ARNT: variants seen among roughly 807,000 people sequenced by gnomAD.
The protein encoded by ARNT is aryl hydrocarbon receptor nuclear translocator.
ARNT carries 30 observed loss-of-function variants against 105.0 expected under a neutral mutation model. That is an observed-to-expected ratio of 0.29 (90% CI 0.21 to 0.39). The LOEUF is 0.39. ARNT is among the 10% of genes least tolerant of loss of function. ARNT has a pLI of 1.00. For missense variants in ARNT, 748 were observed against 978.7 expected (o/e 0.76, Z 3.15); for synonymous variants, 304 against 344.0 (o/e 0.88, Z 1.29).
At position 150,813,335 on chromosome 1, in the gene ARNT, G is replaced by A. The variant is rs2275237; in HGVS notation, c.2117C>T (p.Pro706Leu). 902 of 1,604,788 alleles carry A rather than the reference G, an allele frequency of 5.6e-4. 12 individuals carry two copies. The East Asian group carries it at 0.016, about 28-fold the overall frequency. The change falls in exon 21 of 22, where the codon CCT becomes CTT. Residue 706 changes from proline to leucine, a missense_variant. Coordinates refer to ENST00000358595, the MANE Select transcript of ARNT (RefSeq NM_001668.4). The stretch of plus-strand genomic sequence containing the variant: ...TTGTCCTGCAGTCTGTCCAGTCTCA[G>A]GAGCTAGAAATACAGCAAGGAAGAA... ...SLTNRGSNFA[P>L]ETGQTAGQFQ... is the part of the protein sequence containing the mutation.
At chr1:150,830,275 G>A in intron 10 of ARNT, 1 of 272,120 alleles carries the variant, frequency 3.7e-6, no homozygotes, top group Non-Finnish European at 7.1e-6. Flanking sequence ...GAACCCAGGA[G>A]GCGGAGGATG....
chr1:150,845,271 T>C (rs1282911717), intron 4 of ARNT, among the ~76,000 whole-genome samples: 1 of 151,798 alleles, frequency 6.6e-6, no homozygotes, highest in African/African-American at 2.4e-5. Context: ...GGAAACACAA[T>C]GAAAACAATG....
intron 2 of ARNT, 139 bp from the exon 3 acceptor site, chr1:150,852,945 G>T: frequency 1.9e-6 from 2 of 1,073,316 alleles, no homozygotes; most frequent in Non-Finnish European, 2.8e-6. Flanking sequence ...GTCAAACAAA[G>T]CTACATTTCC....
At chr1:150,861,114 G>A (rs587637984) in intron 1 of ARNT, 2 of 167,064 alleles carry the variant, frequency 1.2e-5, no homozygotes, top group Admixed American at 1.2e-4. Flanking sequence ...TAAATAAAGG[G>A]TTGGCAAGGA....
intron 4 of ARNT, among the ~76,000 whole-genome samples, chr1:150,845,628 G>T (rs1407203213): frequency 6.6e-6 from 1 of 151,652 alleles, no homozygotes; most frequent in Non-Finnish European, 1.5e-5. Context: ...AATAGGCCGG[G>T]TGCGGTGGCT....
intron 1 of ARNT, among the ~76,000 whole-genome samples, chr1:150,866,749 C>G (rs1666656323): frequency 6.6e-6 from 1 of 151,810 alleles, no homozygotes; most frequent in Non-Finnish European, 1.5e-5. Context: ...AGTTAATAAC[C>G]CAGATAAACA....
intron 1 of ARNT, among the ~76,000 whole-genome samples, chr1:150,875,224 G>A (rs1377818980): frequency 6.6e-6 from 1 of 151,842 alleles, no homozygotes; most frequent in Non-Finnish European, 1.5e-5. Flanking sequence ...TTCCTGCAAT[G>A]TAATTTTTGC....
At chr1:150,862,503 A>G (rs1160957073) in intron 1 of ARNT, among the ~76,000 whole-genome samples, 5 of 151,942 alleles carry the variant, frequency 3.3e-5, no homozygotes, top group African/African-American at 1.2e-4. Context: ...GTTACTGCTA[A>G]TTTTTCTATT....
At chr1:150,812,411 C>CT (rs1281338469) in intron 21 of ARNT, among the ~76,000 whole-genome samples, 3 of 152,066 alleles carry the variant, frequency 2.0e-5, no homozygotes, top group African/African-American at 7.2e-5. Flanking sequence ...TATGGAGTCT[C>CT]TTATCCTATT....
At chr1:150,853,334 C>CTTAA in intron 2 of ARNT, 1 of 306,426 alleles carries the variant, frequency 3.3e-6, no homozygotes, top group Non-Finnish European at 6.5e-6. Context: ...CTTCTGCTAC[C>CTTAA]TTAACACTTT....
chr1:150,831,941 AT>A (rs777525737), intron 9 of ARNT, 38 bp from the exon 10 acceptor site: 21 of 1,273,768 alleles, frequency 1.6e-5, no homozygotes, highest in Non-Finnish European at 2.1e-5. Context: ...AAAAAAAAAA[AT>A]CTACCCGTAA....
In ARNT at chr1:150,813,242, C is replaced by T. The variant is rs748207091; in HGVS notation, c.2210G>A (p.Arg737His). The T allele has an allele frequency of 4.3e-6, 7 of 1,613,776 alleles. No homozygotes were observed. Among genetic ancestry groups the T allele is most frequent in the South Asian group, 1.1e-5 (1 of 91,000 alleles). The change falls in exon 21 of 22, where the codon CGT becomes CAT. Residue 737 changes from arginine (R) to histidine (H), a missense_variant. Arg to His is a conservative substitution (Grantham distance 29). Coordinates refer to ENST00000358595, the MANE Select transcript of ARNT (RefSeq NM_001668.4). ...AACATGTTGCTCACTAGAACTTGAA[C>T]GATGATGAGGCTGCTGGCCCTGCCA... is the stretch of plus-strand genomic sequence containing the variant. ...PQWQGQQPHH[R>H]SSSSEQHVQQ...
At chr1:150,833,714 C>T (rs181672761) in intron 8 of ARNT, among the ~76,000 whole-genome samples, 17 of 149,120 alleles carry the variant, frequency 1.1e-4, no homozygotes, top group Non-Finnish European at 2.4e-4. Flanking sequence ...AATCCTAAAA[C>T]GTACAGTATA....
intron 3 of ARNT, among the ~76,000 whole-genome samples, chr1:150,850,966 C>T (rs1395639598): frequency 2.3e-4 from 34 of 149,652 alleles, no homozygotes; most frequent in African/African-American, 6.2e-4. Flanking sequence ...CCCCTCCGCC[C>T]GGCAGCCGCC....
chr1:150,817,446 G>A lies in ARNT; in HGVS notation c.1506-13C>T. The A allele has an allele frequency of 6.2e-7, 1 of 1,612,998 alleles. No homozygotes were observed. The highest frequency in any genetic ancestry group is 8.5e-7 in the Non-Finnish European group (1 of 1,179,704). On this transcript the variant is annotated splice_polypyrimidine_tract_variant and intron_variant, in intron 15 of 21. Transcript: ENST00000358595. ...CTGTTGCTGCTGCCTATATGTCAAA[G>A]GCCAGTTGACAAGACAAATAGAAAA...
chr1:150,836,827 G>A (rs1003111551), intron 6 of ARNT, among the ~76,000 whole-genome samples: 1 of 152,202 alleles, frequency 6.6e-6, no homozygotes, highest in East Asian at 1.9e-4. Flanking sequence ...GGGTCACTGA[G>A]TCCAGGAGTT....
chr1:150,829,847 G>A (rs1659016695), intron 11 of ARNT, 57 bp downstream of exon 11: 2 of 1,545,656 alleles, frequency 1.3e-6, no homozygotes, highest in Admixed American at 1.7e-5. Context: ...ACAGGAATGA[G>A]TCCTGAAGAT....
In ARNT at chr1:150,834,562, C is replaced by T; in HGVS notation, c.779G>A (p.Arg260Lys). ...CCTCATTCGGCAAATAAACGATCTCCTTGAGCCCATACACATTCTCATGGA... is the reference window on the plus strand; with the variant it reads ...CCTCATTCGGCAAATAAACGATCTCTTTGAGCCCATACACATTCTCATGGA... ...QSSMRMCMGS[R>K]RSFICRMRCG... Residue 260 changes from arginine to lysine, a missense_variant, in exon 8 of 22, where the codon AGG becomes AAG. Arg to Lys is a conservative substitution (Grantham distance 26, BLOSUM62 2). Around this residue, in one of 4 missense-constraint regions of ARNT, gnomAD observed 291 missense variants for 444.6 expected, o/e 0.65. Coordinates refer to ENST00000358595, the MANE Select transcript of ARNT (RefSeq NM_001668.4). 1 of 1,614,020 alleles carries T rather than the reference C, an allele frequency of 6.2e-7. No homozygotes were observed. The highest frequency in any genetic ancestry group is 8.5e-7 in the Non-Finnish European group (1 of 1,179,950).
intron 19 of ARNT, among the ~76,000 whole-genome samples, 171 bp downstream of exon 19, chr1:150,816,088 T>TA (rs1655809862): frequency 1.3e-5 from 2 of 152,148 alleles, no homozygotes; most frequent in Non-Finnish European, 2.9e-5. Flanking sequence ...GATTTTTTTT[T>TA]ATTATCTGTG....
Sources: allele counts gnomAD v4.1 joint callset (sites outside exome capture counted in the v4.1 genomes callset), GRCh38; gene constraint gnomAD v4.1.1; regional missense constraint gnomAD v4.1.1; transcripts MANE v1.5; gene names NCBI Gene and HGNC (gene_info 2026-07-23, HGNC 2026-07-21).